The following NLRP14 variants were observed in gnomAD, a reference collection of about 807,000 sequenced individuals.
The protein encoded by NLRP14 is NLR family pyrin domain containing 14, also known as NACHT, LRR and PYD domains-containing protein 14.
Under a neutral mutation model 94.7 loss-of-function variants are expected in NLRP14, and 105 were observed. The ratio of observed to expected loss-of-function variants is 1.11; its 90% CI spans 0.95 to 1.30. NLRP14 has a LOEUF of 1.30. NLRP14 is among the 50% of genes most tolerant of loss of function. The pLI is 0.00. For synonymous variants in NLRP14, 508 were observed against 459.9 expected (o/e 1.10, Z -1.34); for missense variants, 1,362 against 1,254.1 (o/e 1.09, Z -1.30).
intron 1 of NLRP14, among the ~76,000 whole-genome samples, chr11:7,029,338 ACT>A (rs1365075106): frequency 1.3e-5 from 2 of 152,164 alleles, no homozygotes; most frequent in African/African-American, 4.8e-5. Context: ...TACTACAATC[ACT>A]CATATTTGCA....
intron 8 of NLRP14, 27 bp downstream of exon 8, chr11:7,058,477 A>G: frequency 6.6e-7 from 1 of 1,515,386 alleles, no homozygotes; most frequent in Non-Finnish European, 9.2e-7. Flanking sequence ...TTTTATCCTT[A>G]ATATATATTG....
the NLRP14 span, chr11:7,089,400 C>T: frequency 5.7e-6 from 9 of 1,588,638 alleles, no homozygotes; most frequent in Non-Finnish European, 7.7e-6. Flanking sequence ...GAGCAGCCGG[C>T]GGGGCCCGCC....
intron 3 of NLRP14, 114 bp from the exon 4 acceptor site, chr11:7,042,274 T>C (rs1472270291): frequency 3.8e-6 from 3 of 792,296 alleles, no homozygotes; most frequent in Non-Finnish European, 6.4e-6. Flanking sequence ...TTTCAGCCTA[T>C]GTTCTTTCTT....
In NLRP14 at chr11:7,038,708, A is replaced by C; in HGVS notation, c.122A>C (p.Glu41Ala). The C allele has an allele frequency of 6.2e-7, 1 of 1,614,104 alleles. No individual in the cohort carries two copies. The highest frequency in any genetic ancestry group is 1.1e-5 in the South Asian group (1 of 91,082). The change falls in exon 2 of 12, where the codon GAG (glutamate) becomes GCG (alanine). Residue 41 changes from glutamate (E) to alanine (A), a missense_variant. Coordinates refer to ENST00000299481, the MANE Select transcript of NLRP14 (RefSeq NM_176822.4). ...TTCCTAAAGGAGACCATGGAACCTG[A>C]GCATGGCCTGACACCCTGGAATGAA... is the stretch of plus-strand genomic sequence containing the variant. ...KLFLKETMEP[E>A]HGLTPWNEVK...
At position 7,023,385 on chromosome 11, in the gene NLRP14, C is replaced by T. The variant is rs1169008713; in HGVS notation, c.-22+2615C>T. Among the ~76,000 whole-genome samples, 8 of 144,656 alleles carry T rather than the reference C, an allele frequency of 5.5e-5. No homozygotes were observed. The East Asian group carries it at 1.6e-3, about 29-fold the overall frequency. The allele number at this position is 144,656 out of a possible 152,430, so 94.9% of individuals were successfully genotyped here. On this transcript the variant is annotated intron_variant, in intron 1 of 11. Coordinates refer to ENST00000299481, the MANE Select transcript of NLRP14 (RefSeq NM_176822.4). The stretch of plus-strand genomic sequence containing the variant: ...ATATAAATATATATATCATGTTTAG[C>T]TTGGAAATTTTTTATATAAAAACAT...
intron 1 of NLRP14, among the ~76,000 whole-genome samples, chr11:7,037,735 A>AC (rs1241233548): frequency 6.6e-6 from 1 of 152,230 alleles, no homozygotes. Context: ...CACTCAGTTA[A>AC]CTGGAAGATA....
intron 6 of NLRP14, among the ~76,000 whole-genome samples, chr11:7,053,330 C>A (rs914339100): frequency 6.6e-6 from 1 of 151,640 alleles, no homozygotes. Context: ...TATAGCCAAA[C>A]AATGTGATAC....
At chr11:7,086,162 C>A in the NLRP14 span, among the ~76,000 whole-genome samples, 77 of 152,210 alleles carry the variant, frequency 5.1e-4, no homozygotes, top group Non-Finnish European at 1.0e-3. Context: ...TTCCCACTAG[C>A]ACTACACAGG....
chr11:7,047,158 A>C (rs1423555691), intron 5 of NLRP14, among the ~76,000 whole-genome samples: 1 of 152,180 alleles, frequency 6.6e-6, no homozygotes, highest in Non-Finnish European at 1.5e-5. Context: ...TATCCTCTTA[A>C]ATTTTTTTCT....
At chr11:7,086,773 A>C in the NLRP14 span, among the ~76,000 whole-genome samples, 1 of 152,158 alleles carries the variant, frequency 6.6e-6, no homozygotes, top group Non-Finnish European at 1.5e-5. Context: ...ATAAAGGAAA[A>C]TCTGGAGTTC....
At chr11:7,077,859 G>A in the NLRP14 span, among the ~76,000 whole-genome samples, 1 of 152,088 alleles carries the variant, frequency 6.6e-6, no homozygotes, top group African/African-American at 2.4e-5. Context: ...ATGAGATTTG[G>A]GTGGGGACAC....
At position 7,046,777 on chromosome 11, in the gene NLRP14, A is replaced by G. The variant is rs769865545; in HGVS notation, c.2068A>G (p.Met690Val). The G allele has an allele frequency of 2.5e-6, 4 of 1,613,778 alleles. No homozygotes were observed. The highest frequency in any genetic ancestry group is 1.3e-5 in the African/African-American group (1 of 75,062). Residue 690 changes from methionine to valine, a missense_variant, in exon 5 of 12, where the codon ATG (methionine) becomes GTG (valine). Transcript: ENST00000299481. ...CCATAGCAACCTTGATAAATCAGCA[A>G]TGAATATCCTGCATCATGAACTAAG... ...LYHSNLDKSA[M>V]NILHHELRHP...
rs1390661331 is a variant in NLRP14 at position 7,071,157 on chromosome 11, TC to T, written c.3147-13del. On this transcript the variant is annotated splice_polypyrimidine_tract_variant and intron_variant, in intron 11 of 11. Transcript: ENST00000299481. ...AAATTGAATGCAGGAAAAGAGATGTTCCCTTGTTTTCTCAGGTTGTGCAAAG... is the reference window on the plus strand; with the variant it reads ...AAATTGAATGCAGGAAAAGAGATGTTCCTTGTTTTCTCAGGTTGTGCAAAG... 1 of 1,613,950 alleles carries T rather than the reference TC, an allele frequency of 6.2e-7. No individual in the cohort carries two copies. Among genetic ancestry groups the T allele is most frequent in the Admixed American group, 1.7e-5 (1 of 60,006 alleles).
At chr11:7,047,493 A>T (rs1852373550) in intron 5 of NLRP14, among the ~76,000 whole-genome samples, 1 of 151,698 alleles carries the variant, frequency 6.6e-6, no homozygotes, top group Admixed American at 6.6e-5. Context: ...TTTTGTAGAG[A>T]TGTGGTCTCA....
chr11:7,087,825 A>G, the NLRP14 span, among the ~76,000 whole-genome samples: 75 of 152,338 alleles, frequency 4.9e-4, no homozygotes, highest in East Asian at 0.01. Flanking sequence ...AAGAAATTGC[A>G]AAAGTACCGA....
chr11:7,031,987 A>C (rs924694048), intron 1 of NLRP14, among the ~76,000 whole-genome samples: 4 of 152,244 alleles, frequency 2.6e-5, no homozygotes, highest in African/African-American at 9.6e-5. Flanking sequence ...GCAGTGACCC[A>C]AAATTGCTCT....
chr11:7,021,218 T>C (rs1035566658), intron 1 of NLRP14, among the ~76,000 whole-genome samples: 2 of 152,220 alleles, frequency 1.3e-5, no homozygotes, highest in African/African-American at 4.8e-5. Context: ...GTAATATTGA[T>C]AGCCAATAAT....
At chr11:7,036,903 G>C (rs1026942257) in intron 1 of NLRP14, among the ~76,000 whole-genome samples, 5 of 152,168 alleles carry the variant, frequency 3.3e-5, no homozygotes, top group African/African-American at 9.6e-5. Flanking sequence ...GGGAGAAGTT[G>C]AAGATCAAGA....
At chr11:7,047,630 A>G (rs1852375800) in intron 5 of NLRP14, among the ~76,000 whole-genome samples, 1 of 151,136 alleles carries the variant, frequency 6.6e-6, no homozygotes, top group Admixed American at 6.6e-5. Flanking sequence ...CAATCTTCTC[A>G]CCCCATCCAT....
Sources: allele counts gnomAD v4.1 joint callset (sites outside exome capture counted in the v4.1 genomes callset), GRCh38; gene constraint gnomAD v4.1.1; transcripts MANE v1.5; gene names NCBI Gene and HGNC (gene_info 2026-07-23, HGNC 2026-07-21).